Variants in GNAO1 observed in about 807,000 individuals in gnomAD.
GNAO1 encodes guanine nucleotide-binding protein G(o) subunit alpha.
For missense variants in GNAO1, 166 were observed against 478.7 expected (o/e 0.35, Z 6.10); for synonymous variants, 164 against 180.7 (o/e 0.91, Z 0.74).
At chr16:56,268,740 T>G (rs1429929271) in intron 2 of GNAO1, among the ~76,000 whole-genome samples, 2 of 152,082 alleles carry the variant, frequency 1.3e-5, no homozygotes, top group Non-Finnish European at 2.9e-5. Flanking sequence ...TACCACACCC[T>G]ACCTCCTGCC....
chr16:56,221,306 AG>A (rs1349589521), intron 2 of GNAO1, among the ~76,000 whole-genome samples: 2 of 152,090 alleles, frequency 1.3e-5, no homozygotes, highest in African/African-American at 4.8e-5. Flanking sequence ...TCCCAGAGGC[AG>A]TCTGGGGACC....
chr16:56,231,605 A>G (rs2036589122), intron 2 of GNAO1, among the ~76,000 whole-genome samples: 1 of 152,152 alleles, frequency 6.6e-6, no homozygotes, highest in African/African-American at 2.4e-5. Flanking sequence ...AGAACTGGGA[A>G]AGTGGGAGGG....
intron 3 of GNAO1, among the ~76,000 whole-genome samples, chr16:56,309,342 A>G (rs1469102602): frequency 2.0e-5 from 3 of 152,090 alleles, no homozygotes; most frequent in Non-Finnish European, 4.4e-5. Flanking sequence ...GCTTTTAGAG[A>G]TGGGGAGAGA....
chr16:56,337,088 C>T (rs1011091535), intron 6 of GNAO1, among the ~76,000 whole-genome samples: 2 of 152,280 alleles, frequency 1.3e-5, no homozygotes, highest in African/African-American at 4.8e-5. Flanking sequence ...GTGTATGCAA[C>T]CTGATCACAC....
At chr16:56,212,355 C>A (rs1458416785) in intron 2 of GNAO1, among the ~76,000 whole-genome samples, 1 of 152,150 alleles carries the variant, frequency 6.6e-6, no homozygotes, top group African/African-American at 2.4e-5. Flanking sequence ...TGTACAGATT[C>A]TCACCTTCTC....
Position 56,192,631 on chromosome 16 carries a change from C to A in GNAO1, c.161+15C>A. On this transcript the variant is annotated intron_variant, in intron 2 of 8. Transcript: ENST00000262493. ...AAGCAGATGAAGTAAGTCCCTGTGG[C>A]ATTGGGATTCGTACTTTTATTAAGA... is the stretch of plus-strand genomic sequence containing the variant. 1 of 1,500,642 alleles carries A rather than the reference C, an allele frequency of 6.7e-7. No homozygotes were observed. The highest frequency in any genetic ancestry group is 9.3e-7 in the Non-Finnish European group (1 of 1,076,868). 93.0% of individuals were successfully genotyped at this position (1,500,642 alleles called of 1,614,324 possible). A position where few individuals can be genotyped will look rare whatever the true frequency, so the allele number is the denominator to read the frequency against.
chr16:56,198,620 T>A (rs1211226641), intron 2 of GNAO1, among the ~76,000 whole-genome samples: 1 of 152,228 alleles, frequency 6.6e-6, no homozygotes, highest in Non-Finnish European at 1.5e-5. Context: ...ATGGGACTGA[T>A]AATGAAAATA....
chr16:56,290,129 G>T (rs963337531), intron 3 of GNAO1, among the ~76,000 whole-genome samples: 1 of 152,110 alleles, frequency 6.6e-6, no homozygotes, highest in Non-Finnish European at 1.5e-5. Flanking sequence ...CTCCTCCATA[G>T]GGGACTTCTC....
At chr16:56,216,729 C>T (rs550323968) in intron 2 of GNAO1, among the ~76,000 whole-genome samples, 2 of 152,274 alleles carry the variant, frequency 1.3e-5, no homozygotes, top group East Asian at 1.9e-4. Flanking sequence ...AGCTTATTTC[C>T]ACAGTATTCA....
At chr16:56,334,917 C>T in intron 5 of GNAO1, 60 bp downstream of exon 5, 2 of 1,580,898 alleles carry the variant, frequency 1.3e-6, no homozygotes, top group Non-Finnish European at 1.7e-6. Flanking sequence ...TGCCCAGCCT[C>T]TCAGCGCATT....
chr16:56,304,100 C>T (rs151164463), intron 3 of GNAO1, among the ~76,000 whole-genome samples: 270 of 152,318 alleles, frequency 1.8e-3, no homozygotes, highest in Middle Eastern at 6.8e-3. Context: ...TACAAGAGGG[C>T]GCCTGGTATA....
chr16:56,352,784 A>G (rs1013028633), intron 7 of GNAO1: 1 of 152,304 alleles, frequency 6.6e-6, no homozygotes, highest in Non-Finnish European at 1.5e-5. Flanking sequence ...TGCCCTTCCC[A>G]AGGTGCAGAG....
chr16:56,271,767 C>T (rs2037020257), intron 2 of GNAO1, among the ~76,000 whole-genome samples: 1 of 152,198 alleles, frequency 6.6e-6, no homozygotes, highest in Non-Finnish European at 1.5e-5. Flanking sequence ...ATATTAATAG[C>T]TACCATTTGT....
At chr16:56,310,447 AATT>A (rs1269220741) in intron 3 of GNAO1, among the ~76,000 whole-genome samples, 3 of 152,222 alleles carry the variant, frequency 2.0e-5, no homozygotes, top group Non-Finnish European at 2.9e-5. Context: ...GGTGAACAAA[AATT>A]ATGCGAGTAA....
chr16:56,298,199 G>A (rs1039336415), intron 3 of GNAO1, among the ~76,000 whole-genome samples: 1 of 152,158 alleles, frequency 6.6e-6, no homozygotes, highest in African/African-American at 2.4e-5. Context: ...AGTTATCTTT[G>A]TGTAGGATGA....
chr16:56,261,990 AGGCAT>A (rs2036907911), intron 2 of GNAO1, among the ~76,000 whole-genome samples: 1 of 152,234 alleles, frequency 6.6e-6, no homozygotes, highest in Non-Finnish European at 1.5e-5. Context: ...CACTAGCTTC[AGGCAT>A]GGCTGGATCC....
chr16:56,238,910 A>G (rs769079007), intron 2 of GNAO1, among the ~76,000 whole-genome samples: 1 of 152,288 alleles, frequency 6.6e-6, no homozygotes, highest in Non-Finnish European at 1.5e-5. Context: ...AACAAAAGCT[A>G]GTATCAAACT....
chr16:56,299,138 TG>T (rs1239307477), intron 3 of GNAO1, among the ~76,000 whole-genome samples: 2 of 152,214 alleles, frequency 1.3e-5, no homozygotes, highest in African/African-American at 4.8e-5. Flanking sequence ...AGCTGACAGA[TG>T]GCAGAGCCAG....
chr16:56,293,595 A>T (rs1299855889), intron 3 of GNAO1, among the ~76,000 whole-genome samples: 1 of 152,190 alleles, frequency 6.6e-6, no homozygotes, highest in Admixed American at 6.5e-5. Flanking sequence ...GTGGAATATG[A>T]GATTAAATGG....
Sources: gnomAD v4.1 joint callset for allele counts (sites outside exome capture counted in the v4.1 genomes callset) on GRCh38, gnomAD v4.1.1 for gene constraint, MANE v1.5 for transcripts, NCBI Gene and HGNC (gene_info 2026-07-23, HGNC 2026-07-21) for gene names.